The following RYR2 variants were observed in gnomAD, a reference collection of about 807,000 sequenced individuals.
RYR2 encodes the protein cardiac muscle ryanodine receptor-calcium release channel.
Under a neutral mutation model 601.1 loss-of-function variants are expected in RYR2, and 227 were observed. The ratio of observed to expected loss-of-function variants is 0.38; its 90% CI spans 0.34 to 0.42. RYR2 has a LOEUF of 0.42. RYR2 is among the 10% of genes least tolerant of loss of function. The pLI is 1.00. For synonymous variants in RYR2, 2,223 were observed against 2,175.1 expected (o/e 1.02, Z -0.61); for missense variants, 4,646 against 6,156.5 (o/e 0.75, Z 8.21).
At chr1:237,760,888 T>G in intron 83 of RYR2, 67 bp from the exon 84 acceptor site, 1 of 995,162 alleles carries the variant, frequency 1.0e-6, no homozygotes, top group Non-Finnish European at 1.5e-6. Flanking sequence ...TTTAGATGTT[T>G]GCTCTCCTGA....
Position 237,623,828 on chromosome 1 carries a change from G to A in RYR2, c.5980G>A (p.Asp1994Asn). 1.2e-6 allele frequency: 2 copies of A among 1,613,280 alleles called. No homozygotes were observed. The highest frequency in any genetic ancestry group is 8.5e-7 in the Non-Finnish European group (1 of 1,179,362). ...SECPCPEEIRDQLLDFHEDLM... is the reference protein window; with the variant it reads ...SECPCPEEIRNQLLDFHEDLM... ...ATGTCCATGTCCAGAAGAAATTCGT[G>A]ACCAACTATTGGATTTCCATGAAGA... The change falls in exon 39 of 105, where the codon GAC becomes AAC. Residue 1994 changes from aspartate to asparagine, a missense_variant. Asp to Asn is a conservative substitution (Grantham distance 23, BLOSUM62 1). Around this residue, in one of 17 missense-constraint regions of RYR2, gnomAD observed 170 missense variants for 184.5 expected, o/e 0.92. Transcript: ENST00000366574.
chr1:237,480,767 T>G (rs1661975198), intron 17 of RYR2, among the ~76,000 whole-genome samples: 1 of 152,198 alleles, frequency 6.6e-6, no homozygotes, highest in South Asian at 2.1e-4. Flanking sequence ...AGACTCTTGG[T>G]CCATCATTTT....
intron 24 of RYR2, among the ~76,000 whole-genome samples, chr1:237,529,177 G>T (rs763779868): frequency 3.3e-5 from 5 of 152,114 alleles, no homozygotes; most frequent in Non-Finnish European, 5.9e-5. Flanking sequence ...GTCTGAATAA[G>T]TGTAATCTAT....
chr1:237,503,430 C>T lies in RYR2; in HGVS notation c.2538C>T (p.Tyr846=), dbSNP rs368604900. 1.9e-6 allele frequency: 3 copies of T among 1,613,826 alleles called. No individual in the cohort carries two copies. The highest frequency in any genetic ancestry group is 2.5e-6 in the Non-Finnish European group (3 of 1,179,884). Residue 846 remains tyrosine (Y), a synonymous_variant, in exon 22 of 105, where the codon TAC becomes TAT. Transcript: ENST00000366574. ...GAGAGTACAAGCAAGAAAGAACTTA[C>T]ACACGCGACCTGCTGGGCCCCACAG... The part of the protein sequence containing the change: ...HSREYKQERT[Y]TRDLLGPTVS...
chr1:237,283,172 G>GT (rs902821675), intron 2 of RYR2, among the ~76,000 whole-genome samples: 31 of 152,184 alleles, frequency 2.0e-4, no homozygotes, highest in African/African-American at 7.0e-4. Flanking sequence ...TCTGTCAAAT[G>GT]TTTTTTCCTT....
In RYR2 at chr1:237,815,572, C is replaced by T. The variant is rs549096076; in HGVS notation, c.14434-3464C>T. Reference sequence around the variant, plus strand: ...TCAGCATGACTGTTAAGTCCACTACCGATCTCTGCTGGAATCCCTTCATCA... The same window carrying T: ...TCAGCATGACTGTTAAGTCCACTACTGATCTCTGCTGGAATCCCTTCATCA... On this transcript the variant is annotated intron_variant, in intron 100 of 104. Transcript: ENST00000366574. Among the ~76,000 whole-genome samples, 15 of 152,244 alleles carry T rather than the reference C, an allele frequency of 9.9e-5. No homozygotes were observed. In the East Asian group the frequency reaches 1.7e-3, roughly 18 times the overall value.
At chr1:237,286,654 A>G (rs1691603379) in intron 2 of RYR2, among the ~76,000 whole-genome samples, 1 of 151,408 alleles carries the variant, frequency 6.6e-6, no homozygotes, top group Non-Finnish European at 1.5e-5. Flanking sequence ...CATTTGCATG[A>G]AATGCCTTTT....
At chr1:237,173,537 A>T (rs879833650) in intron 1 of RYR2, among the ~76,000 whole-genome samples, 1 of 152,202 alleles carries the variant, frequency 6.6e-6, no homozygotes, top group African/African-American at 2.4e-5. Flanking sequence ...TTGAGAATAC[A>T]CACTCTGACA....
chr1:237,455,104 A>C (rs12743024), intron 15 of RYR2, among the ~76,000 whole-genome samples: 1 of 152,092 alleles, frequency 6.6e-6, no homozygotes, highest in Non-Finnish European at 1.5e-5. Flanking sequence ...TTACATTTCC[A>C]TGTATGATTG....
chr1:237,071,739 CCCCCTGTGGCAAT>C (rs1042822905), intron 1 of RYR2, among the ~76,000 whole-genome samples: 1 of 152,168 alleles, frequency 6.6e-6, no homozygotes, highest in Non-Finnish European at 1.5e-5. Flanking sequence ...AACCTGTTTG[CCCCCTGTGGCAAT>C]CAACATTCTG....
chr1:237,762,860 G>A (rs1421652590), intron 84 of RYR2, among the ~76,000 whole-genome samples: 1 of 151,578 alleles, frequency 6.6e-6, no homozygotes, highest in Non-Finnish European at 1.5e-5. Context: ...CTTTTCTTTC[G>A]ACTACTGTAA....
chr1:237,157,062 G>A (rs991624307), intron 1 of RYR2, among the ~76,000 whole-genome samples: 5 of 152,032 alleles, frequency 3.3e-5, no homozygotes, highest in Non-Finnish European at 7.4e-5. Context: ...TTGGGAGGCC[G>A]AGGCGGGTGG....
chr1:237,496,817 T>C, intron 20 of RYR2, 65 bp downstream of exon 20: 1 of 1,548,616 alleles, frequency 6.5e-7, no homozygotes. Context: ...TTCTGAAAGC[T>C]ATTGGTGCTG....
At chr1:237,353,406 A>G (rs1229789941) in intron 3 of RYR2, among the ~76,000 whole-genome samples, 1 of 151,634 alleles carries the variant, frequency 6.6e-6, no homozygotes, top group East Asian at 1.9e-4. Context: ...CTATCCAGGA[A>G]ACTGAGACAG....
intron 29 of RYR2, among the ~76,000 whole-genome samples, chr1:237,574,787 A>G (rs1156510652): frequency 2.0e-5 from 3 of 152,196 alleles, no homozygotes; most frequent in Non-Finnish European, 4.4e-5. Flanking sequence ...AATTCCATCA[A>G]TAACCAGGGA....
intron 56 of RYR2, 39 bp from the exon 57 acceptor site, chr1:237,666,473 T>C (rs774215734): frequency 9.6e-6 from 15 of 1,563,490 alleles, no homozygotes; most frequent in Non-Finnish European, 1.3e-5. Flanking sequence ...CTTCACAAGG[T>C]TTTTAATGAG....
intron 44 of RYR2, 58 bp from the exon 45 acceptor site, chr1:237,638,298 TA>T: frequency 6.2e-7 from 1 of 1,607,706 alleles, no homozygotes; most frequent in Non-Finnish European, 8.5e-7. Context: ...GTATCCAATG[TA>T]AGCATCTAAT....
chr1:237,449,436 T>C (rs1025723192), intron 14 of RYR2, among the ~76,000 whole-genome samples: 1 of 152,190 alleles, frequency 6.6e-6, no homozygotes, highest in African/African-American at 2.4e-5. Context: ...TCGCACTTTG[T>C]CATTCATTTT....
At chr1:237,390,019 T>C (rs1180356386) in intron 10 of RYR2, among the ~76,000 whole-genome samples, 1 of 152,116 alleles carries the variant, frequency 6.6e-6, no homozygotes, top group Non-Finnish European at 1.5e-5. Context: ...AGAATGCTGA[T>C]GTTTAGGATG....
Sources: allele counts gnomAD v4.1 joint callset (sites outside exome capture counted in the v4.1 genomes callset), GRCh38; gene constraint gnomAD v4.1.1; regional missense constraint gnomAD v4.1.1; transcripts MANE v1.5; gene names NCBI Gene and HGNC (gene_info 2026-07-23, HGNC 2026-07-21).